The following ENTREP2 variants were observed in gnomAD, a reference collection of about 807,000 sequenced individuals.
ENTREP2 encodes endosomal transmembrane epsin interactor 2.
At chr15:29,126,387 C>T in the ENTREP2 span, 1 of 1,545,750 alleles carries the variant, frequency 6.5e-7, no homozygotes, top group Non-Finnish European at 8.7e-7. Flanking sequence ...GGGGGAAGGG[C>T]AGGTTCGGAG....
At chr15:29,585,763 G>GGA in the ENTREP2 span, among the ~76,000 whole-genome samples, 37 of 151,766 alleles carry the variant, frequency 2.4e-4, no homozygotes, top group African/African-American at 8.7e-4. Flanking sequence ...GGCTGAGGCA[G>GGA]GAGAATGGCG....
the ENTREP2 span, among the ~76,000 whole-genome samples, chr15:29,306,330 T>C: frequency 6.6e-6 from 1 of 152,188 alleles, no homozygotes; most frequent in African/African-American, 2.4e-5. Flanking sequence ...ATGCTGCATT[T>C]CCTAAATGTG....
chr15:29,565,624 A>G, the ENTREP2 span, among the ~76,000 whole-genome samples: 1 of 152,240 alleles, frequency 6.6e-6, no homozygotes, highest in Admixed American at 6.5e-5. Flanking sequence ...ACAGAGTAAT[A>G]TGGGTGGTAT....
At chr15:29,383,998 C>A in the ENTREP2 span, among the ~76,000 whole-genome samples, 1 of 152,192 alleles carries the variant, frequency 6.6e-6, no homozygotes, top group East Asian at 1.9e-4. Flanking sequence ...CTAGGGAAAT[C>A]CTTGACCAAT....
chr15:29,269,760 G>C, the ENTREP2 span: 4 of 1,406,156 alleles, frequency 2.8e-6, no homozygotes, highest in Non-Finnish European at 3.7e-6. Context: ...CCGCGGCGGG[G>C]ATTGCGGGTC....
At chr15:29,430,042 C>T in the ENTREP2 span, among the ~76,000 whole-genome samples, 5 of 152,342 alleles carry the variant, frequency 3.3e-5, no homozygotes, top group Admixed American at 2.6e-4. Context: ...TCAACCACCA[C>T]ATACACATTG....
the ENTREP2 span, among the ~76,000 whole-genome samples, chr15:29,321,801 C>A: frequency 1.3e-5 from 2 of 151,476 alleles, no homozygotes; most frequent in Non-Finnish European, 2.9e-5. Context: ...GGGAGGGGAA[C>A]AACACACACT....
At chr15:29,414,438 T>C in the ENTREP2 span, among the ~76,000 whole-genome samples, 1 of 152,132 alleles carries the variant, frequency 6.6e-6, no homozygotes. Flanking sequence ...ATAAAGATGT[T>C]CTTTGAAACC....
At chr15:29,346,549 A>G in the ENTREP2 span, among the ~76,000 whole-genome samples, 2 of 152,176 alleles carry the variant, frequency 1.3e-5, no homozygotes, top group African/African-American at 4.8e-5. Context: ...TTTTCTCCAT[A>G]AATTACTCCC....
chr15:29,361,404 C>A, the ENTREP2 span, among the ~76,000 whole-genome samples: 2 of 152,188 alleles, frequency 1.3e-5, no homozygotes, highest in Non-Finnish European at 2.9e-5. Context: ...CAGGTAGGCA[C>A]CAGTTTCCTC....
the ENTREP2 span, among the ~76,000 whole-genome samples, chr15:29,509,958 G>A: frequency 6.6e-6 from 1 of 152,122 alleles, no homozygotes; most frequent in African/African-American, 2.4e-5. Flanking sequence ...TGATCAGAGT[G>A]AACAGGCAAC....
the ENTREP2 span, among the ~76,000 whole-genome samples, chr15:29,215,647 A>C: frequency 3.3e-5 from 5 of 151,968 alleles, no homozygotes; most frequent in Admixed American, 2.0e-4. Context: ...ACCATTATAC[A>C]AATGTCCCAC....
the ENTREP2 span, among the ~76,000 whole-genome samples, chr15:29,352,391 T>G: frequency 6.6e-6 from 1 of 152,216 alleles, no homozygotes; most frequent in Non-Finnish European, 1.5e-5. Context: ...CACAAGCACA[T>G]TACACAGAGT....
At chr15:29,600,898 C>CTTTTTTTTTTTT in the ENTREP2 span, among the ~76,000 whole-genome samples, 1,252 of 125,012 alleles carry the variant, frequency 0.01, 193 homozygotes, top group African/African-American at 0.023. Flanking sequence ...TATGATTTTT[C>CTTTTTTTTTTTT]TTTCTTTTTT....
chr15:29,657,202 C>G, the ENTREP2 span, among the ~76,000 whole-genome samples: 1 of 151,008 alleles, frequency 6.6e-6, no homozygotes. Flanking sequence ...CGCCCACCAC[C>G]ACGCCGCGCC....
At chr15:29,206,591 A>C in the ENTREP2 span, among the ~76,000 whole-genome samples, 1 of 151,926 alleles carries the variant, frequency 6.6e-6, no homozygotes, top group Admixed American at 6.6e-5. Context: ...GAACAGAAAA[A>C]CCCACAGGGA....
the ENTREP2 span, among the ~76,000 whole-genome samples, chr15:29,231,111 G>A: frequency 1.3e-5 from 2 of 152,206 alleles, no homozygotes; most frequent in South Asian, 4.2e-4. Context: ...TTATAATGCT[G>A]ATGAACAAAA....
chr15:29,470,037 T>G, the ENTREP2 span, among the ~76,000 whole-genome samples: 1 of 152,234 alleles, frequency 6.6e-6, no homozygotes, highest in Non-Finnish European at 1.5e-5. Flanking sequence ...CAATATCATG[T>G]ATGTTCAACA....
the ENTREP2 span, among the ~76,000 whole-genome samples, chr15:29,606,730 GA>G: frequency 6.6e-6 from 1 of 150,706 alleles, no homozygotes; most frequent in Admixed American, 6.6e-5. Context: ...AGGTTCAAAT[GA>G]TTTTTTTTTT....
Sources: gnomAD v4.1 joint callset for allele counts (sites outside exome capture counted in the v4.1 genomes callset) on GRCh38, gnomAD v4.1.1 for gene constraint, MANE v1.5 for transcripts, NCBI Gene and HGNC (gene_info 2026-07-23, HGNC 2026-07-21) for gene names.